Variants in GGA2 observed in about 807,000 individuals in gnomAD.
The protein encoded by GGA2 is golgi associated, gamma adaptin ear containing, ARF binding protein 2.
In GGA2, 48 loss-of-function variants were observed where a neutral mutation model predicts 79.5. The ratio of observed to expected loss-of-function variants is 0.60; its 90% CI spans 0.48 to 0.77. GGA2 has a LOEUF of 0.77. GGA2 is among the 30% of genes least tolerant of loss of function. The pLI is 0.00. For missense variants in GGA2, 770 were observed against 774.0 expected (o/e 0.99, Z 0.06); for synonymous variants, 317 against 302.0 (o/e 1.05, Z -0.51).
intron 1 of GGA2, among the ~76,000 whole-genome samples, chr16:23,507,533 C>A (rs999502945): frequency 1.3e-5 from 2 of 152,162 alleles, no homozygotes; most frequent in African/African-American, 4.8e-5. Flanking sequence ...GAGGCTGAGG[C>A]AGGAGAATTG....
At chr16:23,502,011 T>TGTCCACAGTC (rs2142140591) in intron 1 of GGA2, among the ~76,000 whole-genome samples, 1 of 152,290 alleles carries the variant, frequency 6.6e-6, no homozygotes, top group South Asian at 2.1e-4. Flanking sequence ...GTGCCAGTGA[T>TGTCCACAGTC]GTCCACAGTC....
In GGA2 at chr16:23,467,611, C is replaced by T. The variant is rs763793027; in HGVS notation, c.1821G>A (p.Leu607=). The part of the protein sequence containing the change: ...EVGEVKDFPD[L]AVLGAA The stretch of plus-strand genomic sequence containing the variant: ...AAAGTTAGGCTGCGCCCAAGACAGC[C>T]AGGTCTGGGAAGTCTTTCACTTCTC... Residue 607 remains leucine (L), a synonymous_variant, in exon 17 of 17, where the codon CTG becomes CTA. Coordinates refer to ENST00000309859, the MANE Select transcript of GGA2 (RefSeq NM_015044.4). 5.0e-6 allele frequency: 8 copies of T among 1,587,278 alleles called. No homozygotes were observed. The highest frequency in any genetic ancestry group is 6.9e-6 in the Non-Finnish European group (8 of 1,155,928).
intron 1 of GGA2, among the ~76,000 whole-genome samples, chr16:23,509,457 G>C (rs1965010692): frequency 6.6e-6 from 1 of 152,144 alleles, no homozygotes; most frequent in South Asian, 2.1e-4. Context: ...AATCCCGTTA[G>C]TAAGGTGATG....
At chr16:23,520,689 A>G (rs1202226185) in intron 1 of GGA2, among the ~76,000 whole-genome samples, 1 of 151,394 alleles carries the variant, frequency 6.6e-6, no homozygotes, top group Non-Finnish European at 1.5e-5. Flanking sequence ...ACTGATCCTG[A>G]GCAAAACCCT....
chr16:23,483,732 CG>C (rs1964678238), intron 8 of GGA2, among the ~76,000 whole-genome samples: 1 of 151,888 alleles, frequency 6.6e-6, no homozygotes. Flanking sequence ...CCGCAACCTC[CG>C]CCTCCTGGGT....
In GGA2 at chr16:23,464,072, A is replaced by G. The variant is rs1225234889; in HGVS notation, c.*3518T>C. 1.3e-5 allele frequency: 2 copies of G among 152,176 alleles called. No homozygotes were observed. Among genetic ancestry groups the G allele is most frequent in the African/African-American group, 4.8e-5 (2 of 41,438 alleles). The allele number at this position is 152,176 out of a possible 1,614,324, so 9.4% of individuals were successfully genotyped here. A position where few individuals can be genotyped will look rare whatever the true frequency, so the allele number is the denominator to read the frequency against. ...ATTAATATTGTAGTAGGCAAGCACT[A>G]TTTGTATTCTAGAATATTGCCCTTG... On this transcript the variant is annotated 3_prime_UTR_variant, in exon 17 of 17. Coordinates refer to ENST00000309859, the MANE Select transcript of GGA2 (RefSeq NM_015044.4).
At position 23,466,204 on chromosome 16, in the gene GGA2, T is replaced by C. The variant is rs907738002; in HGVS notation, c.*1386A>G. 1 of 152,176 alleles carries C rather than the reference T, an allele frequency of 6.6e-6. No homozygotes were observed. The highest frequency in any genetic ancestry group is 1.5e-5 in the Non-Finnish European group (1 of 68,036). The allele number at this position is 152,176 out of a possible 1,614,324, so 9.4% of individuals were successfully genotyped here. A position where few individuals can be genotyped will look rare whatever the true frequency, so the allele number is the denominator to read the frequency against. On this transcript the variant is annotated 3_prime_UTR_variant, in exon 17 of 17. Coordinates refer to ENST00000309859, the MANE Select transcript of GGA2 (RefSeq NM_015044.4). The stretch of plus-strand genomic sequence containing the variant: ...GTAATTAAGAGCTCCAAACAAGTCT[T>C]GCAGTTTCAAAGGTAGAAACCCACC...
Position 23,493,792 on chromosome 16 carries a change from T to A in GGA2, c.253-334A>T, listed in dbSNP as rs1964820371. 9 of 333,058 alleles carry A rather than the reference T, an allele frequency of 2.7e-5. No homozygotes were observed. In the South Asian group the frequency reaches 2.9e-4, roughly 11 times the overall value. The allele number at this position is 333,058 out of a possible 1,614,324, so 20.6% of individuals were successfully genotyped here. On this transcript the variant is annotated intron_variant, in intron 3 of 16. Transcript: ENST00000309859. ...CCTCCCCAGAGGCAGAGATCTGGTA[T>A]CCAGTGCCCAAGACCAGCCGGATGT...
chr16:23,496,339 G>C (rs932376355), intron 1 of GGA2, among the ~76,000 whole-genome samples: 8 of 149,364 alleles, frequency 5.4e-5, no homozygotes, highest in Non-Finnish European at 7.4e-5. Flanking sequence ...TAACTGACAA[G>C]TTATTCCCCT....
intron 8 of GGA2, among the ~76,000 whole-genome samples, chr16:23,485,131 C>T (rs952844386): frequency 2.0e-5 from 3 of 152,126 alleles, no homozygotes; most frequent in Non-Finnish European, 4.4e-5. Flanking sequence ...AAGCCAGACA[C>T]GAAAGCCCAC....
chr16:23,510,507 G>C, upstream of GGA2: 1 of 455,544 alleles, frequency 2.2e-6, no homozygotes, highest in Non-Finnish European at 3.6e-6. Flanking sequence ...GGCAGGAGCG[G>C]TGGACACGTG....
Position 23,465,675 on chromosome 16 carries a change from T to C in GGA2, c.*1915A>G. 1 of 404,016 alleles carries C rather than the reference T, an allele frequency of 2.5e-6. No homozygotes were observed. The allele number at this position is 404,016 out of a possible 1,614,324, so 25.0% of individuals were successfully genotyped here. A position where few individuals can be genotyped will look rare whatever the true frequency, so the allele number is the denominator to read the frequency against. On this transcript the variant is annotated 3_prime_UTR_variant, in exon 17 of 17. Coordinates refer to ENST00000309859, the MANE Select transcript of GGA2 (RefSeq NM_015044.4). Reference sequence around the variant, plus strand: ...CTACACAGAGGCCGGGTGCGGTGGCTCACGCCTGTAATCCCAGCACTCTGG... The same window carrying C: ...CTACACAGAGGCCGGGTGCGGTGGCCCACGCCTGTAATCCCAGCACTCTGG...
At chr16:23,524,332 G>A (rs1317649265), upstream of GGA2, 1 of 1,577,310 alleles carries the variant, frequency 6.3e-7, no homozygotes, top group African/African-American at 1.3e-5. Context: ...AAGCTCACAG[G>A]TTCTTAGGGC....
intron 1 of GGA2, among the ~76,000 whole-genome samples, chr16:23,497,172 C>A (rs1157700043): frequency 5.3e-5 from 8 of 151,986 alleles, no homozygotes; most frequent in African/African-American, 1.9e-4. Flanking sequence ...GCCTGCCCAG[C>A]CTCTCTGATG....
intron 1 of GGA2, chr16:23,521,731 T>C (rs1965144395): frequency 8.8e-6 from 4 of 452,708 alleles, no homozygotes; most frequent in South Asian, 4.7e-5. Context: ...GGTTCATCCA[T>C]GTTGTAGATA....
chr16:23,521,504 T>A (rs1310215518), intron 1 of GGA2, among the ~76,000 whole-genome samples: 1 of 151,988 alleles, frequency 6.6e-6, no homozygotes, highest in Non-Finnish European at 1.5e-5. Context: ...GCTCAAGTGA[T>A]CCTCCTACCT....
chr16:23,507,834 A>T (rs1044809191), intron 1 of GGA2, among the ~76,000 whole-genome samples: 6 of 151,928 alleles, frequency 3.9e-5, no homozygotes, highest in South Asian at 2.1e-4. Context: ...AAATACATTT[A>T]AAAAAAGCTA....
intron 13 of GGA2, 151 bp downstream of exon 13, chr16:23,478,217 A>T (rs1175744939): frequency 4.8e-5 from 29 of 599,094 alleles, no homozygotes; most frequent in Non-Finnish European, 6.0e-5. Flanking sequence ...AAAAAAAAGA[A>T]AAAAAGACAA....
At chr16:23,467,744 C>T (rs764295239) in intron 16 of GGA2, 44 bp from the exon 17 acceptor site, 1 of 942,834 alleles carries the variant, frequency 1.1e-6, no homozygotes, top group South Asian at 1.3e-5. Flanking sequence ...TGGAGAGCAA[C>T]CCAGGAACAG....
Sources: gnomAD v4.1 joint callset for allele counts (sites outside exome capture counted in the v4.1 genomes callset) on GRCh38, gnomAD v4.1.1 for gene constraint, MANE v1.5 for transcripts, NCBI Gene and HGNC (gene_info 2026-07-23, HGNC 2026-07-21) for gene names.